Variants in DNAH3 observed in about 807,000 individuals in gnomAD.
DNAH3 encodes axonemal beta dynein heavy chain 3.
A neutral mutation model predicts 432.5 loss-of-function variants in DNAH3; 332 were observed. The observed-to-expected ratio is 0.77, with a 90% confidence interval of 0.70 to 0.84. The LOEUF is 0.84. DNAH3 is among the 40% of genes least tolerant of loss of function. The pLI, the probability that DNAH3 is intolerant of heterozygous loss-of-function variation, is 0.00. For synonymous variants in DNAH3, 1,956 were observed against 1,900.2 expected (o/e 1.03, Z -0.76); for missense variants, 4,861 against 5,114.0 (o/e 0.95, Z 1.51).
chr16:21,095,191 A>G (rs1475527597), intron 18 of DNAH3, among the ~76,000 whole-genome samples: 4 of 152,226 alleles, frequency 2.6e-5, no homozygotes, highest in Admixed American at 1.3e-4. Flanking sequence ...TACTTTAAAT[A>G]TAATTCAGCA....
chr16:21,052,877 C>G (rs9938279), intron 28 of DNAH3, among the ~76,000 whole-genome samples: 51,691 of 151,942 alleles, frequency 0.34, 9,293 homozygotes, highest in South Asian at 0.49. Context: ...GAAGGAAGCC[C>G]GAGAATCCAT....
chr16:21,056,104 G>A (rs1420820469), intron 27 of DNAH3, among the ~76,000 whole-genome samples: 1 of 151,894 alleles, frequency 6.6e-6, no homozygotes, highest in East Asian at 1.9e-4. Context: ...AGTGTATGTG[G>A]TGTTGGGGCT....
intron 38 of DNAH3, among the ~76,000 whole-genome samples, chr16:21,025,109 T>C (rs538997178): frequency 6.6e-6 from 1 of 152,054 alleles, no homozygotes; most frequent in African/African-American, 2.4e-5. Flanking sequence ...GTATTTTTAG[T>C]AGAGATGGGG....
chr16:21,119,083 C>T (rs1271684026), intron 11 of DNAH3, among the ~76,000 whole-genome samples: 1 of 152,180 alleles, frequency 6.6e-6, no homozygotes, highest in Non-Finnish European at 1.5e-5. Flanking sequence ...AACTTCTTTG[C>T]TGCAGCCATA....
chr16:20,941,662 GAACTCTCCA>G, intron 58 of DNAH3, 119 bp from the exon 59 acceptor site: 1 of 1,298,586 alleles, frequency 7.7e-7, no homozygotes, highest in East Asian at 2.3e-5. Flanking sequence ...ACTTTCCTGA[GAACTCTCCA>G]ACAGAAGCCA....
At chr16:21,154,028 T>G (rs750492726) in intron 1 of DNAH3, among the ~76,000 whole-genome samples, 18 of 152,228 alleles carry the variant, frequency 1.2e-4, no homozygotes, top group African/African-American at 1.7e-4. Flanking sequence ...TAGACGGAAA[T>G]GGGAAGATTA....
intron 55 of DNAH3, among the ~76,000 whole-genome samples, 168 bp from the exon 56 acceptor site, chr16:20,952,717 G>A (rs2084371006): frequency 3.3e-5 from 5 of 152,034 alleles, no homozygotes; most frequent in Admixed American, 3.3e-4. Context: ...CACCAACATG[G>A]GAGCCATTCT....
At chr16:21,113,715 T>C (rs2092124293) in intron 12 of DNAH3, among the ~76,000 whole-genome samples, 1 of 152,188 alleles carries the variant, frequency 6.6e-6, no homozygotes, top group East Asian at 1.9e-4. Context: ...CACCTTGGCC[T>C]CCCAAAGTGC....
intron 56 of DNAH3, among the ~76,000 whole-genome samples, chr16:20,951,173 C>T (rs151173045): frequency 3.3e-5 from 5 of 152,200 alleles, no homozygotes; most frequent in Non-Finnish European, 7.4e-5. Context: ...ATATCGTGGA[C>T]TAATAAAAGG....
At chr16:20,959,256 C>G (rs757642945) in exon 54 of DNAH3, 1 of 1,614,188 alleles carries the variant, frequency 6.2e-7, no homozygotes, top group Non-Finnish European at 8.5e-7. Flanking sequence ...AGCTTGCGGC[C>G]AGGTGGCAGT....
intron 1 of DNAH3, among the ~76,000 whole-genome samples, chr16:21,157,146 C>T (rs78044532): frequency 0.016 from 2,467 of 152,170 alleles, 32 homozygotes; most frequent in South Asian, 0.025. Flanking sequence ...ACCATTAGCT[C>T]TTCTTTCTGC....
At chr16:20,941,655 T>C (rs1371466382) in intron 58 of DNAH3, 112 bp from the exon 59 acceptor site, 1 of 1,356,444 alleles carries the variant, frequency 7.4e-7, no homozygotes, top group South Asian at 1.4e-5. Flanking sequence ...CTGTGGGACT[T>C]TCCTGAGAAC....
intron 19 of DNAH3, among the ~76,000 whole-genome samples, chr16:21,082,414 C>A (rs955712556): frequency 6.6e-6 from 1 of 152,146 alleles, no homozygotes. Context: ...GTTTTCCACG[C>A]TGGTCTTGAA....
At position 21,075,400 on chromosome 16, in the gene DNAH3, T is replaced by C. The variant is rs1451426835; in HGVS notation, c.3084+47A>G. On this transcript the variant is annotated intron_variant, in intron 21 of 61. Transcript: ENST00000261383. ...ATCGTTTCTGTAATCTATTGCATAA[T>C]AAATGGGGCTGCTTTCAAAAGGGGC... The C allele has an allele frequency of 7.0e-6, 9 of 1,287,910 alleles. No homozygotes were observed. In the Admixed American group the frequency reaches 1.0e-4, roughly 14 times the overall value. The allele number at this position is 1,287,910 out of a possible 1,614,324, so 79.8% of individuals were successfully genotyped here. A position where few individuals can be genotyped will look rare whatever the true frequency, so the allele number is the denominator to read the frequency against.
chr16:20,947,713 T>G (rs1199456016), intron 57 of DNAH3, among the ~76,000 whole-genome samples: 2 of 152,210 alleles, frequency 1.3e-5, no homozygotes, highest in Admixed American at 6.6e-5. Context: ...GAGACAGTAG[T>G]AGAAAAATAC....
At chr16:21,030,120 C>T (rs1468002323) in intron 37 of DNAH3, among the ~76,000 whole-genome samples, 1 of 152,106 alleles carries the variant, frequency 6.6e-6, no homozygotes, top group East Asian at 1.9e-4. Flanking sequence ...GCCTATAGGG[C>T]CCAGCCCATA....
intron 16 of DNAH3, chr16:21,103,907 G>A (rs982729442): frequency 7.9e-5 from 12 of 152,366 alleles, no homozygotes; most frequent in East Asian, 3.8e-4. Context: ...TTTCTATGTC[G>A]CTGGATTAAA....
At chr16:21,015,928 A>G (rs2087836299) in intron 41 of DNAH3, among the ~76,000 whole-genome samples, 1 of 152,086 alleles carries the variant, frequency 6.6e-6, no homozygotes, top group African/African-American at 2.4e-5. Flanking sequence ...AGCTGGGACT[A>G]CAGGTGCCCA....
At chr16:20,976,881 C>T (rs958407553) in intron 50 of DNAH3, among the ~76,000 whole-genome samples, 1 of 152,216 alleles carries the variant, frequency 6.6e-6, no homozygotes, top group Non-Finnish European at 1.5e-5. Context: ...AACTTCCCAG[C>T]CTCCAGAACT....
Sources: allele counts gnomAD v4.1 joint callset (sites outside exome capture counted in the v4.1 genomes callset), GRCh38; gene constraint gnomAD v4.1.1; transcripts MANE v1.5; gene names NCBI Gene and HGNC (gene_info 2026-07-23, HGNC 2026-07-21).